Variants in IER2 observed in about 807,000 individuals in gnomAD.
The protein encoded by IER2 is immediate early response 2.
For missense variants in IER2, 372 were observed against 325.4 expected (o/e 1.14, Z -1.10); for synonymous variants, 198 against 149.6 (o/e 1.32, Z -2.36).
Position 13,153,359 on chromosome 19 carries a change from A to G in IER2, c.173A>G (p.Glu58Gly). The G allele has an allele frequency of 1.3e-6, 2 of 1,595,650 alleles. No homozygotes were observed. The highest frequency in any genetic ancestry group is 2.2e-5 in the South Asian group (2 of 89,394). The change falls in exon 2 of 2, where the codon GAG (glutamate) becomes GGG (glycine). Residue 58 changes from glutamate to glycine, a missense_variant. Transcript: ENST00000292433. ...GCCAAGGTGGAGGCCCTCGAGCCCG[A>G]GGTGTCGTTGCCGGCCGCCCTCCCC... ...LSAKVEALEP[E>G]VSLPAALPSD...
rs754338915 is a variant in IER2 at position 13,153,767 on chromosome 19, C to T, written c.581C>T (p.Pro194Leu). Residue 194 changes from proline to leucine, a missense_variant, in exon 2 of 2, where the codon CCG becomes CTG. Physicochemically the swap from Pro to Leu is moderately conservative, Grantham distance 98 (BLOSUM62 -3). Coordinates refer to ENST00000292433, the MANE Select transcript of IER2 (RefSeq NM_004907.3). The stretch of plus-strand genomic sequence containing the variant: ...CTGAACTGCAGCCCCGCGGCCCCTC[C>T]GACGGCGCCGCCCGCGTGCGAGGCA... ...GLLNCSPAAP[P>L]TAPPACEAKP... 8.3e-6 allele frequency: 13 copies of T among 1,561,366 alleles called. No homozygotes were observed. The highest frequency in any genetic ancestry group is 1.9e-5 in the Admixed American group (1 of 53,562).
rs765523893 is a variant in IER2 at position 13,153,262 on chromosome 19, G to T, written c.76G>T (p.Gly26Cys). 2 of 1,592,114 alleles carry T rather than the reference G, an allele frequency of 1.3e-6. No individual in the cohort carries two copies. The highest frequency in any genetic ancestry group is 1.7e-6 in the Non-Finnish European group (2 of 1,169,456). ...WKMYHSRMQRGGLRLHRSLQL... is the reference protein window; with the variant it reads ...WKMYHSRMQRCGLRLHRSLQL... ...GATGTATCACTCCCGCATGCAGCGC[G>T]GTGGCCTGCGGCTGCACCGGAGTCT... The change falls in exon 2 of 2, where the codon GGT (glycine) becomes TGT (cysteine). Residue 26 changes from glycine to cysteine, a missense_variant. Gly to Cys is a radical substitution (Grantham distance 159, BLOSUM62 -3). Transcript: ENST00000292433.
In IER2 at chr19:13,154,833, A is replaced by G. The variant is rs1355090969; in HGVS notation, c.*975A>G. The stretch of plus-strand genomic sequence containing the variant: ...GCTTTGTTTACCTTTCGTGCGGTGG[A>G]TTCTTTTTAACTCCGTCTACCTGGC... On this transcript the variant is annotated 3_prime_UTR_variant, in exon 2 of 2. Coordinates refer to ENST00000292433, the MANE Select transcript of IER2 (RefSeq NM_004907.3). 1 of 166,658 alleles carries G rather than the reference A, an allele frequency of 6.0e-6. No individual in the cohort carries two copies. The highest frequency in any genetic ancestry group is 1.5e-5 in the Non-Finnish European group (1 of 68,092). The allele number at this position is 166,658 out of a possible 1,614,324, so 10.3% of individuals were successfully genotyped here.
In IER2 at chr19:13,153,354, G is replaced by T; in HGVS notation, c.168G>T (p.Glu56Asp). 1.9e-6 allele frequency: 3 copies of T among 1,597,220 alleles called. No homozygotes were observed. Among genetic ancestry groups the T allele is most frequent in the Non-Finnish European group, 8.5e-7 (1 of 1,173,122 alleles). ...LYLSAKVEAL[E>D]PEVSLPAALP... ...TCTCGGCCAAGGTGGAGGCCCTCGA[G>T]CCCGAGGTGTCGTTGCCGGCCGCCC... is the stretch of plus-strand genomic sequence containing the variant. Residue 56 changes from glutamate to aspartate, a missense_variant, in exon 2 of 2, where the codon GAG becomes GAT. Transcript: ENST00000292433.
chr19:13,153,374 C>T lies in IER2; in HGVS notation c.188C>T (p.Ala63Val), dbSNP rs376168750. Reference sequence around the variant, plus strand: ...CTCGAGCCCGAGGTGTCGTTGCCGGCCGCCCTCCCCTCTGACCCTCGCCTG... The same window carrying T: ...CTCGAGCCCGAGGTGTCGTTGCCGGTCGCCCTCCCCTCTGACCCTCGCCTG... ...EALEPEVSLP[A>V]ALPSDPRLHP... Residue 63 changes from alanine (A) to valine (V), a missense_variant, in exon 2 of 2, where the codon GCC (alanine) becomes GTC (valine). Ala to Val is a moderately conservative substitution (Grantham distance 64, BLOSUM62 0). Coordinates refer to ENST00000292433, the MANE Select transcript of IER2 (RefSeq NM_004907.3). 1 of 1,588,872 alleles carries T rather than the reference C, an allele frequency of 6.3e-7. No individual in the cohort carries two copies. Among genetic ancestry groups the T allele is most frequent in the Non-Finnish European group, 8.6e-7 (1 of 1,169,570 alleles).
rs1011088003 is a variant in IER2, at chr19:13,154,831, G to A, written c.*973G>A. On this transcript the variant is annotated 3_prime_UTR_variant, in exon 2 of 2. Coordinates refer to ENST00000292433, the MANE Select transcript of IER2 (RefSeq NM_004907.3). ...CTGCTTTGTTTACCTTTCGTGCGGT[G>A]GATTCTTTTTAACTCCGTCTACCTG... The A allele has an allele frequency of 1.2e-5, 2 of 166,940 alleles. No homozygotes were observed. The highest frequency in any genetic ancestry group is 2.9e-5 in the Non-Finnish European group (2 of 68,110). The allele number at this position is 166,940 out of a possible 1,614,324, so 10.3% of individuals were successfully genotyped here. A position where few individuals can be genotyped will look rare whatever the true frequency, so the allele number is the denominator to read the frequency against.
In IER2 at chr19:13,154,248, A is replaced by C. The variant is rs2020102926; in HGVS notation, c.*390A>C. 1 of 212,244 alleles carries C rather than the reference A, an allele frequency of 4.7e-6. No individual in the cohort carries two copies. Among genetic ancestry groups the C allele is most frequent in the African/African-American group, 2.3e-5 (1 of 42,994 alleles). 13.1% of individuals were successfully genotyped at this position (212,244 alleles called of 1,614,324 possible). A position where few individuals can be genotyped will look rare whatever the true frequency, so the allele number is the denominator to read the frequency against. ...AAAGATCTCCTCAGGGTCGGACTTC[A>C]TTTTGTACTGTGGGCTGTGCTGGCC... On this transcript the variant is annotated 3_prime_UTR_variant, in exon 2 of 2. Coordinates refer to ENST00000292433, the MANE Select transcript of IER2 (RefSeq NM_004907.3).
At position 13,150,543 on chromosome 19, in the gene IER2, C is replaced by T. The variant is rs2020040725; in HGVS notation, c.-253C>T. On this transcript the variant is annotated 5_prime_UTR_variant, in exon 1 of 2. Transcript: ENST00000292433. The surrounding 1 kb of genome is among the most constrained non-coding windows in gnomAD (Gnocchi z 4.0). ...GCGCAACTTCAGTTTCCCTTCCAGG[C>T]ACGGGCAATGTAAATAATGATAGCC... 1 of 221,400 alleles carries T rather than the reference C, an allele frequency of 4.5e-6. No individual in the cohort carries two copies. The highest frequency in any genetic ancestry group is 9.0e-6 in the Non-Finnish European group (1 of 111,650). The allele number at this position is 221,400 out of a possible 1,614,324, so 13.7% of individuals were successfully genotyped here.
At position 13,153,426 on chromosome 19, in the gene IER2, G is replaced by C. The variant is rs1344561461; in HGVS notation, c.240G>C (p.Thr80=). ...ACCCGCCCCGAGAAGCCGAGTCCAC[G>C]GCCGAGACAGCGACCCCCGACGGTG... ...RLHPPREAES[T]AETATPDGEH... The change falls in exon 2 of 2, where the codon ACG becomes ACC. Residue 80 remains threonine, a synonymous_variant. Coordinates refer to ENST00000292433, the MANE Select transcript of IER2 (RefSeq NM_004907.3). 1 of 1,592,842 alleles carries C rather than the reference G, an allele frequency of 6.3e-7. No homozygotes were observed. The highest frequency in any genetic ancestry group is 1.7e-5 in the Admixed American group (1 of 57,812).
In IER2 at chr19:13,153,400, C is replaced by T; in HGVS notation, c.214C>T (p.His72Tyr). The change falls in exon 2 of 2, where the codon CAC becomes TAC. Residue 72 changes from histidine to tyrosine, a missense_variant. Physicochemically the swap from His to Tyr is moderately conservative, Grantham distance 83. Coordinates refer to ENST00000292433, the MANE Select transcript of IER2 (RefSeq NM_004907.3). The part of the protein sequence containing the change: ...PAALPSDPRL[H>Y]PPREAESTAE... ...CGCCCTCCCCTCTGACCCTCGCCTG[C>T]ACCCGCCCCGAGAAGCCGAGTCCAC... The T allele has an allele frequency of 1.3e-6, 2 of 1,586,320 alleles. No homozygotes were observed. The highest frequency in any genetic ancestry group is 8.6e-7 in the Non-Finnish European group (1 of 1,168,982).
rs963500477 is a variant in IER2 at position 13,153,940 on chromosome 19, C to A, written c.*82C>A. 6.5e-6 allele frequency: 8 copies of A among 1,239,884 alleles called. No individual in the cohort carries two copies. The highest frequency in any genetic ancestry group is 8.5e-6 in the Non-Finnish European group (8 of 939,384). 76.8% of individuals were successfully genotyped at this position (1,239,884 alleles called of 1,614,324 possible). On this transcript the variant is annotated 3_prime_UTR_variant, in exon 2 of 2. Coordinates refer to ENST00000292433, the MANE Select transcript of IER2 (RefSeq NM_004907.3). ...GCGCAGACCTGAGGCGAGGCCACCC[C>A]CCTCCATCCTGGGGGAAGCGCCCGC...
chr19:13,153,951 G>C lies in IER2; in HGVS notation c.*93G>C. The C allele has an allele frequency of 1.7e-6, 2 of 1,146,688 alleles. No individual in the cohort carries two copies. Among genetic ancestry groups the C allele is most frequent in the Non-Finnish European group, 2.3e-6 (2 of 857,020 alleles). The allele number at this position is 1,146,688 out of a possible 1,614,324, so 71.0% of individuals were successfully genotyped here. On this transcript the variant is annotated 3_prime_UTR_variant, in exon 2 of 2. Coordinates refer to ENST00000292433, the MANE Select transcript of IER2 (RefSeq NM_004907.3). ...AGGCGAGGCCACCCCCCTCCATCCTGGGGGAAGCGCCCGCGAAAACCGTGG... is the reference window on the plus strand; with the variant it reads ...AGGCGAGGCCACCCCCCTCCATCCTCGGGGAAGCGCCCGCGAAAACCGTGG...
At position 13,153,163 on chromosome 19, in the gene IER2, C is replaced by A. The variant is rs766588604; in HGVS notation, c.-24C>A. On this transcript the variant is annotated 5_prime_UTR_variant, in exon 2 of 2. Transcript: ENST00000292433. The stretch of plus-strand genomic sequence containing the variant: ...CTGTTCTGTCCCTCCCGGGAGCCCC[C>A]GCCGCTGTCGCCGTCGAGTCGCCAT... 2 of 1,487,464 alleles carry A rather than the reference C, an allele frequency of 1.3e-6. No homozygotes were observed. The highest frequency in any genetic ancestry group is 1.4e-5 in the South Asian group (1 of 72,096). 92.1% of individuals were successfully genotyped at this position (1,487,464 alleles called of 1,614,324 possible). A position where few individuals can be genotyped will look rare whatever the true frequency, so the allele number is the denominator to read the frequency against.
In IER2 at chr19:13,153,215, T is replaced by G; in HGVS notation, c.29T>G (p.Ile10Ser). The G allele has an allele frequency of 6.5e-7, 1 of 1,529,328 alleles. No homozygotes were observed. The highest frequency in any genetic ancestry group is 1.3e-5 in the South Asian group (1 of 78,656). The allele number at this position is 1,529,328 out of a possible 1,614,324, so 94.7% of individuals were successfully genotyped here. ...GAAGTGCAGAAAGAGGCACAGCGCATCATGACCCTGTCGGTGTGGAAGATG... is the reference window on the plus strand; with the variant it reads ...GAAGTGCAGAAAGAGGCACAGCGCAGCATGACCCTGTCGGTGTGGAAGATG... MEVQKEAQR[I>S]MTLSVWKMYH... Residue 10 changes from isoleucine to serine, a missense_variant, in exon 2 of 2, where the codon ATC (isoleucine) becomes AGC (serine). Ile to Ser is a moderately radical substitution (Grantham distance 142, BLOSUM62 -2). Coordinates refer to ENST00000292433, the MANE Select transcript of IER2 (RefSeq NM_004907.3).
At chr19:13,152,440 A>G (rs1001968013) in intron 1 of IER2, 1 of 152,292 alleles carries the variant, frequency 6.6e-6, no homozygotes, top group African/African-American at 2.4e-5. Context: ...TCACAGCAGT[A>G]GCAAATATTG....
Position 13,153,891 on chromosome 19 carries a change from G to T in IER2, c.*33G>T, listed in dbSNP as rs2020098879. On this transcript the variant is annotated 3_prime_UTR_variant, in exon 2 of 2. Transcript: ENST00000292433. ...GAGCGGCGCTGCCGGAGCCCAGAGC[G>T]CGCGTCGAACCGTCGGCCCGAGGGC... 7.1e-7 allele frequency: 1 copy of T among 1,399,370 alleles called. No individual in the cohort carries two copies. Among genetic ancestry groups the T allele is most frequent in the Non-Finnish European group, 9.3e-7 (1 of 1,080,398 alleles). 86.7% of individuals were successfully genotyped at this position (1,399,370 alleles called of 1,614,324 possible). A position where few individuals can be genotyped will look rare whatever the true frequency, so the allele number is the denominator to read the frequency against.
Position 13,154,030 on chromosome 19 carries a change from G to A in IER2, c.*172G>A, listed in dbSNP as rs2020100235. Reference sequence around the variant, plus strand: ...GGCCCGGAGAGGGACTCTGTCCCCGGGGAGCCATCGCCTTCAGTGTGCAGG... The same window carrying A: ...GGCCCGGAGAGGGACTCTGTCCCCGAGGAGCCATCGCCTTCAGTGTGCAGG... On this transcript the variant is annotated 3_prime_UTR_variant, in exon 2 of 2. Transcript: ENST00000292433. 1.7e-6 allele frequency: 1 copy of A among 591,106 alleles called. No homozygotes were observed. Among genetic ancestry groups the A allele is most frequent in the Non-Finnish European group, 2.8e-6 (1 of 353,018 alleles). The allele number at this position is 591,106 out of a possible 1,614,324, so 36.6% of individuals were successfully genotyped here.
In IER2 at chr19:13,153,427, G is replaced by A. The variant is rs200894180; in HGVS notation, c.241G>A (p.Ala81Thr). ...CCCGCCCCGAGAAGCCGAGTCCACG[G>A]CCGAGACAGCGACCCCCGACGGTGA... ...LHPPREAEST[A>T]ETATPDGEHP... The change falls in exon 2 of 2, where the codon GCC becomes ACC. Residue 81 changes from alanine to threonine, a missense_variant. Transcript: ENST00000292433. 1.3e-6 allele frequency: 2 copies of A among 1,592,752 alleles called. No individual in the cohort carries two copies. Among genetic ancestry groups the A allele is most frequent in the Non-Finnish European group, 1.7e-6 (2 of 1,172,248 alleles).
rs1169115151 is a variant in IER2, at chr19:13,154,129, G to C, written c.*271G>C. The C allele has an allele frequency of 6.5e-6, 3 of 463,634 alleles. No homozygotes were observed. The highest frequency in any genetic ancestry group is 1.2e-5 in the Non-Finnish European group (3 of 256,046). The allele number at this position is 463,634 out of a possible 1,614,324, so 28.7% of individuals were successfully genotyped here. A position where few individuals can be genotyped will look rare whatever the true frequency, so the allele number is the denominator to read the frequency against. On this transcript the variant is annotated 3_prime_UTR_variant, in exon 2 of 2. Coordinates refer to ENST00000292433, the MANE Select transcript of IER2 (RefSeq NM_004907.3). ...ACCTGCGCCCACAGGTGCTGTCTTA[G>C]TGGACTGGGACGTGAACCTTTCGCT... is the stretch of plus-strand genomic sequence containing the variant.
Sources: gnomAD v4.1 joint callset for allele counts on GRCh38, gnomAD v4.1.1 for gene constraint, Gnocchi (gnomAD v3.1) non-coding constraint, MANE v1.5 for transcripts, NCBI Gene and HGNC (gene_info 2026-07-23, HGNC 2026-07-21) for gene names.